Variants in LRBA observed in about 807,000 individuals in gnomAD.
The protein encoded by LRBA is lipopolysaccharide-responsive and beige-like anchor protein.
In LRBA, 176 loss-of-function variants were observed where a neutral mutation model predicts 330.0. That is an observed-to-expected ratio of 0.53 (90% CI 0.47 to 0.60). LRBA has a LOEUF of 0.60. Among genes scored for constraint, LRBA ranks in the 20% least tolerant of loss-of-function variants. The probability of loss-of-function intolerance (pLI) is 0.00; values close to 1 mark genes in which losing one functional copy is unlikely to be tolerated. For synonymous variants in LRBA, 1,230 were observed against 1,193.0 expected (o/e 1.03, Z -0.64); for missense variants, 3,259 against 3,444.8 (o/e 0.95, Z 1.35).
At chr4:150,715,263 C>T (rs896710798) in intron 36 of LRBA, among the ~76,000 whole-genome samples, 2 of 152,138 alleles carry the variant, frequency 1.3e-5, no homozygotes, top group African/African-American at 2.4e-5. Flanking sequence ...CCCTGAGATC[C>T]TTCTAAGATA....
At position 150,282,482 on chromosome 4, in the gene LRBA, G is replaced by A. The variant is rs1747666413; in HGVS notation, c.8284C>T (p.Gln2762Ter). 2 of 1,614,030 alleles carry A rather than the reference G, an allele frequency of 1.2e-6. No individual in the cohort carries two copies. Among genetic ancestry groups the A allele is most frequent in the East Asian group, 2.2e-5 (1 of 44,892 alleles). ...TTATCATCTGTTTCCATCGTGGCCT[G>A]GAGTTTTCCATTCACACTGAATGTA... The part of the protein sequence containing the change: ...FCTFSVNGKL[Q>*]ATMETDDNIR... The change falls in exon 55 of 57, where the codon CAG (glutamine) becomes TAG (stop). Residue 2762 changes from glutamine to a stop codon, truncating the protein, a stop_gained. Coordinates refer to ENST00000651943, the MANE Select transcript of LRBA (RefSeq NM_001364905.1). LOFTEE classifies it high-confidence loss of function.
intron 17 of LRBA, among the ~76,000 whole-genome samples, chr4:150,874,375 T>A (rs1247759938): frequency 2.0e-5 from 3 of 152,148 alleles, no homozygotes; most frequent in Non-Finnish European, 4.4e-5. Flanking sequence ...CATTTTGAAT[T>A]CAAGCACACA....
intron 40 of LRBA, among the ~76,000 whole-genome samples, chr4:150,556,925 G>A (rs993173228): frequency 1.3e-5 from 2 of 152,200 alleles, no homozygotes; most frequent in Admixed American, 6.5e-5. Flanking sequence ...ACAAGATGTC[G>A]CAAAAATAGG....
At chr4:150,970,096 T>C (rs567334686) in intron 2 of LRBA, among the ~76,000 whole-genome samples, 2 of 152,260 alleles carry the variant, frequency 1.3e-5, no homozygotes, top group African/African-American at 4.8e-5. Flanking sequence ...CCAAAAAGAT[T>C]AGGACACTCT....
intron 30 of LRBA, among the ~76,000 whole-genome samples, chr4:150,822,031 A>G (rs1156741474): frequency 6.6e-6 from 1 of 152,096 alleles, no homozygotes; most frequent in Non-Finnish European, 1.5e-5. Flanking sequence ...GAAATTCCCA[A>G]AGATATTCCA....
In LRBA at chr4:150,567,891, A is replaced by C. The variant is rs538278579; in HGVS notation, c.6330+20157T>G. ...GTAAATAACTTGATATCTGCCTTCC[A>C]ATAACTTTTCACATTGGTAGGTTAA... On this transcript the variant is annotated intron_variant, in intron 40 of 56. Coordinates refer to ENST00000651943, the MANE Select transcript of LRBA (RefSeq NM_001364905.1). 1.7e-4 allele frequency among the ~76,000 whole-genome samples: 26 copies of C among 152,314 alleles called. 1 individual carries two copies. In the South Asian group the frequency reaches 5.0e-3, roughly 29 times the overall value.
At chr4:150,694,951 A>T (rs1464490047) in intron 36 of LRBA, among the ~76,000 whole-genome samples, 1 of 152,168 alleles carries the variant, frequency 6.6e-6, no homozygotes, top group African/African-American at 2.4e-5. Flanking sequence ...AGTATATATA[A>T]TATTTGTAAA....
intron 36 of LRBA, among the ~76,000 whole-genome samples, chr4:150,685,110 G>T (rs917975497): frequency 3.3e-5 from 5 of 151,862 alleles, no homozygotes; most frequent in African/African-American, 1.2e-4. Flanking sequence ...TCTGTACCAT[G>T]AGGGAAGCTG....
At chr4:150,646,420 T>C (rs1303329498) in intron 37 of LRBA, among the ~76,000 whole-genome samples, 2 of 151,974 alleles carry the variant, frequency 1.3e-5, no homozygotes, top group Non-Finnish European at 2.9e-5. Flanking sequence ...GATACAGAAA[T>C]CTGGAATTCA....
intron 13 of LRBA, among the ~76,000 whole-genome samples, chr4:150,903,101 G>A (rs1180703979): frequency 2.0e-5 from 3 of 152,186 alleles, no homozygotes; most frequent in East Asian, 1.9e-4. Context: ...AAATATTGGC[G>A]TTGGGCATGG....
In LRBA at chr4:150,806,272, T is replaced by C; in HGVS notation, c.5517A>G (p.Thr1839=). Residue 1839 remains threonine (T), a splice_region_variant and synonymous_variant, in exon 33 of 57, where the codon ACA becomes ACG. Transcript: ENST00000651943. ...SHGQELLIEG[T]SLVCMKSSSS... is the part of the protein sequence containing the mutation. Reference sequence around the variant, plus strand: ...ATAAAATAAAGAAAAACCACTTACTTGTTCCTTCTATAAGCAGTTCTTGTC... The same window carrying C: ...ATAAAATAAAGAAAAACCACTTACTCGTTCCTTCTATAAGCAGTTCTTGTC... 6.4e-7 allele frequency: 1 copy of C among 1,564,742 alleles called. No individual in the cohort carries two copies. Among genetic ancestry groups the C allele is most frequent in the Non-Finnish European group, 8.6e-7 (1 of 1,160,478 alleles).
In LRBA at chr4:150,657,579, T is replaced by C. The variant is rs1206931105; in HGVS notation, c.5921+25972A>G. Among the ~76,000 whole-genome samples, 3 of 152,026 alleles carry C rather than the reference T, an allele frequency of 2.0e-5. No individual in the cohort carries two copies. The South Asian group carries it at 6.2e-4, about 32-fold the overall frequency. On this transcript the variant is annotated intron_variant, in intron 37 of 56. Coordinates refer to ENST00000651943, the MANE Select transcript of LRBA (RefSeq NM_001364905.1). ...GTGGAAGCATTTACCATTGTATTTA[T>C]ATATAAAGTTTTAAAAAAATACAAG...
intron 2 of LRBA, among the ~76,000 whole-genome samples, chr4:150,963,642 G>A (rs965952051): frequency 6.7e-6 from 1 of 149,172 alleles, no homozygotes; most frequent in Non-Finnish European, 1.5e-5. Flanking sequence ...CTGCCTGGCC[G>A]CCCATCGTCT....
At chr4:150,507,500 G>A (rs1337320352) in intron 40 of LRBA, among the ~76,000 whole-genome samples, 1 of 152,126 alleles carries the variant, frequency 6.6e-6, no homozygotes, top group Non-Finnish European at 1.5e-5. Flanking sequence ...TATAATAAAT[G>A]GTGCTGGGAA....
At chr4:150,424,080 G>A (rs1278971996) in intron 46 of LRBA, among the ~76,000 whole-genome samples, 1 of 152,130 alleles carries the variant, frequency 6.6e-6, no homozygotes, top group Non-Finnish European at 1.5e-5. Flanking sequence ...TAAATGGAAG[G>A]ATCCATGAAA....
intron 44 of LRBA, among the ~76,000 whole-genome samples, chr4:150,443,899 C>A (rs1292144075): frequency 8.3e-6 from 1 of 120,298 alleles, no homozygotes; most frequent in East Asian, 2.4e-4. Flanking sequence ...TTTTTAAAGC[C>A]ACCTCCAACC....
intron 33 of LRBA, among the ~76,000 whole-genome samples, chr4:150,803,097 C>T (rs1171530113): frequency 2.7e-5 from 4 of 146,776 alleles, no homozygotes; most frequent in Non-Finnish European, 6.0e-5. Context: ...CACACACACA[C>T]ACACACACAC....
intron 52 of LRBA, among the ~76,000 whole-genome samples, chr4:150,306,664 G>A (rs199649367): frequency 9.1e-6 from 1 of 110,086 alleles, no homozygotes; most frequent in African/African-American, 3.4e-5. Context: ...AAAGACATTA[G>A]AAGGTATTTT....
chr4:150,690,612 T>C (rs1362313731), intron 36 of LRBA, among the ~76,000 whole-genome samples: 1 of 151,792 alleles, frequency 6.6e-6, no homozygotes, highest in Non-Finnish European at 1.5e-5. Context: ...GCACTGGTTA[T>C]TAGATGAAGA....
Sources: gnomAD v4.1 joint callset for allele counts (sites outside exome capture counted in the v4.1 genomes callset) on GRCh38, gnomAD v4.1.1 for gene constraint, MANE v1.5 for transcripts, NCBI Gene and HGNC (gene_info 2026-07-23, HGNC 2026-07-21) for gene names.